The following GDAP2 variants were observed in gnomAD, a reference collection of about 807,000 sequenced individuals.
GDAP2 encodes the protein ganglioside-induced differentiation-associated protein 2.
In GDAP2, 51 loss-of-function variants were observed where a neutral mutation model predicts 67.0. That is an observed-to-expected ratio of 0.76 (90% CI 0.61 to 0.96). The LOEUF is 0.96. GDAP2 is among the 40% of genes least tolerant of loss of function. The pLI is 0.00. For synonymous variants in GDAP2, 203 were observed against 207.3 expected, an observed-to-expected ratio of 0.98 and a Z score of 0.18; for missense variants, 547 against 588.3, an observed-to-expected ratio of 0.93 and a Z score of 0.73.
At chr1:117,907,983 T>C (rs1255398093) in intron 5 of GDAP2, among the ~76,000 whole-genome samples, 1 of 152,086 alleles carries the variant, frequency 6.6e-6, no homozygotes, top group Admixed American at 6.6e-5. Flanking sequence ...TCCTCCCACA[T>C]CTTATGCTTT....
At chr1:117,887,642 T>A in intron 9 of GDAP2, 56 bp downstream of exon 9, 1 of 866,834 alleles carries the variant, frequency 1.2e-6, no homozygotes, top group Non-Finnish European at 2.0e-6. Flanking sequence ...TCAAATAGCA[T>A]GCTTGGTAGG....
In GDAP2 at chr1:117,866,517, T is replaced by G. The variant is rs575323402; in HGVS notation, c.*4052A>C. Reference sequence around the variant, plus strand: ...ATTAGTGCCAGCACAGTTAAAACACTCTAGCGCACGTTAATTATGATGATT... The same window carrying G: ...ATTAGTGCCAGCACAGTTAAAACACGCTAGCGCACGTTAATTATGATGATT... On this transcript the variant is annotated 3_prime_UTR_variant, in exon 14 of 14. Transcript: ENST00000369443. The G allele has an allele frequency of 2.2e-4, 34 of 152,202 alleles. No homozygotes were observed. Among genetic ancestry groups the G allele is most frequent in the African/African-American group, 7.9e-4 (33 of 41,522 alleles). The allele number at this position is 152,202 out of a possible 1,614,324, so 9.4% of individuals were successfully genotyped here. A position where few individuals can be genotyped will look rare whatever the true frequency, so the allele number is the denominator to read the frequency against.
chr1:117,889,745 A>G (rs1649001573), intron 8 of GDAP2, among the ~76,000 whole-genome samples: 1 of 152,134 alleles, frequency 6.6e-6, no homozygotes, highest in Non-Finnish European at 1.5e-5. Flanking sequence ...TATAGAGTTT[A>G]TTATGTTTTT....
Position 117,886,593 on chromosome 1 carries a change from A to G in GDAP2, c.1091T>C (p.Leu364Ser). ...ATGGCTTACCTTGTCCATATCTATTAATGTTACAGGAATGTTTCTTCCAAC... is the reference window on the plus strand; with the variant it reads ...ATGGCTTACCTTGTCCATATCTATTGATGTTACAGGAATGTTTCTTCCAAC... The part of the protein sequence containing the change: ...VVVGRNIPVT[L>S]IDMDKALLYF... The change falls in exon 10 of 14, where the codon TTA becomes TCA. Residue 364 changes from leucine to serine, a missense_variant. Physicochemically the swap from Leu to Ser is moderately radical, Grantham distance 145. Transcript: ENST00000369443. The G allele has an allele frequency of 6.4e-7, 1 of 1,553,252 alleles. No individual in the cohort carries two copies. The highest frequency in any genetic ancestry group is 8.9e-7 in the Non-Finnish European group (1 of 1,124,834).
At chr1:117,887,912 A>T (rs1189853680) in intron 8 of GDAP2, 138 bp from the exon 9 acceptor site, 2 of 596,452 alleles carry the variant, frequency 3.4e-6, no homozygotes, top group Non-Finnish European at 6.0e-6. Flanking sequence ...GGAGTTAAAG[A>T]AGCATTAAGC....
chr1:117,919,112 T>A (rs2359599), intron 2 of GDAP2, among the ~76,000 whole-genome samples: 1 of 152,174 alleles, frequency 6.6e-6, no homozygotes, highest in Non-Finnish European at 1.5e-5. Context: ...CGGTGGCTCA[T>A]GCCTGTAATT....
At chr1:117,880,214 G>A (rs947349002) in intron 12 of GDAP2, among the ~76,000 whole-genome samples, 1 of 151,706 alleles carries the variant, frequency 6.6e-6, no homozygotes, top group African/African-American at 2.4e-5. Context: ...AGAGAGAGAG[G>A]CTGACAAATG....
chr1:117,877,736 G>C lies in GDAP2; in HGVS notation c.1446+273C>G, dbSNP rs185888998. 4.8e-4 allele frequency: 551 copies of C among 1,156,890 alleles called. 3 individuals are homozygous for C. In the African/African-American group the frequency reaches 7.6e-3, roughly 16 times the overall value. 71.7% of individuals were successfully genotyped at this position (1,156,890 alleles called of 1,614,324 possible). ...AGAGGTATCTGTTTTAAATATGGTA[G>C]AAAACTTACAATACAAACGAAAATT... is the stretch of plus-strand genomic sequence containing the variant. On this transcript the variant is annotated intron_variant, in intron 13 of 13. Transcript: ENST00000369443.
chr1:117,865,621 T>C lies in GDAP2; in HGVS notation c.*4948A>G, dbSNP rs941806184. The C allele has an allele frequency of 1.3e-5, 2 of 152,134 alleles. No individual in the cohort carries two copies. Among genetic ancestry groups the C allele is most frequent in the African/African-American group, 4.8e-5 (2 of 41,420 alleles). The allele number at this position is 152,134 out of a possible 1,614,324, so 9.4% of individuals were successfully genotyped here. Reference sequence around the variant, plus strand: ...CAAAAAAAAAAGGTATGACTGTGTATATAAAATGTATTAGCTTTACTGTCC... The same window carrying C: ...CAAAAAAAAAAGGTATGACTGTGTACATAAAATGTATTAGCTTTACTGTCC... On this transcript the variant is annotated 3_prime_UTR_variant, in exon 14 of 14. Coordinates refer to ENST00000369443, the MANE Select transcript of GDAP2 (RefSeq NM_017686.4).
In GDAP2 at chr1:117,896,954, C is replaced by T. The variant is rs745691643; in HGVS notation, c.832G>A (p.Asp278Asn). 1 of 1,610,986 alleles carries T rather than the reference C, an allele frequency of 6.2e-7. No individual in the cohort carries two copies. The highest frequency in any genetic ancestry group is 1.3e-5 in the African/African-American group (1 of 74,788). The change falls in exon 8 of 14, where the codon GAT becomes AAT. Residue 278 changes from aspartate to asparagine, a missense_variant. Physicochemically the swap from Asp to Asn is conservative, Grantham distance 23 (BLOSUM62 1). Transcript: ENST00000369443. ...QEEEDEGLGV[D>N]LSFIGSHAFA... ...GCATGAGAGCCAATGAAAGAGAGAT[C>T]AACTCCCAAGCCTTCATCCTCCTCT...
At position 117,869,321 on chromosome 1, in the gene GDAP2, C is replaced by T. The variant is rs1442572978; in HGVS notation, c.*1248G>A. 1 of 152,014 alleles carries T rather than the reference C, an allele frequency of 6.6e-6. No homozygotes were observed. Among genetic ancestry groups the T allele is most frequent in the East Asian group, 1.9e-4 (1 of 5,192 alleles). The allele number at this position is 152,014 out of a possible 1,614,324, so 9.4% of individuals were successfully genotyped here. A position where few individuals can be genotyped will look rare whatever the true frequency, so the allele number is the denominator to read the frequency against. ...GTATAGCATCAGGGGATGAGCAGGC[C>T]AGAAGAGATTCTGGACAAAAGAGGA... On this transcript the variant is annotated 3_prime_UTR_variant, in exon 14 of 14. Transcript: ENST00000369443.
In GDAP2 at chr1:117,865,000, G is replaced by T. The variant is rs1393508720; in HGVS notation, c.*5569C>A. 1 of 152,170 alleles carries T rather than the reference G, an allele frequency of 6.6e-6. No individual in the cohort carries two copies. The allele number at this position is 152,170 out of a possible 1,614,324, so 9.4% of individuals were successfully genotyped here. A position where few individuals can be genotyped will look rare whatever the true frequency, so the allele number is the denominator to read the frequency against. On this transcript the variant is annotated 3_prime_UTR_variant, in exon 14 of 14. Transcript: ENST00000369443. ...TACTCTTTTACTCTAACTATGGTCT[G>T]GGGACCAGGAGAATTGATAACACCT...
At chr1:117,891,782 T>C (rs1191134689) in intron 8 of GDAP2, among the ~76,000 whole-genome samples, 4 of 129,998 alleles carry the variant, frequency 3.1e-5, no homozygotes, top group Non-Finnish European at 7.5e-5. Flanking sequence ...TTTTCATGTC[T>C]TTAAAAAAAT....
intron 3 of GDAP2, among the ~76,000 whole-genome samples, chr1:117,913,655 A>T (rs1219449439): frequency 6.6e-6 from 1 of 152,186 alleles, no homozygotes; most frequent in Non-Finnish European, 1.5e-5. Context: ...ACCTACAGAT[A>T]ACTGGGGAAG....
chr1:117,926,419 C>T (rs1650448204), intron 1 of GDAP2, among the ~76,000 whole-genome samples: 1 of 152,166 alleles, frequency 6.6e-6, no homozygotes, highest in Non-Finnish European at 1.5e-5. Flanking sequence ...AATTGTGACC[C>T]ACAAGATATT....
chr1:117,879,412 T>C (rs186655072), intron 12 of GDAP2, among the ~76,000 whole-genome samples: 73 of 152,150 alleles, frequency 4.8e-4, no homozygotes, highest in African/African-American at 1.6e-3. Flanking sequence ...TCCTATAAGA[T>C]GCCTAAGTAG....
At chr1:117,918,787 AC>A in intron 2 of GDAP2, 51 bp from the exon 3 acceptor site, 4 of 1,399,544 alleles carry the variant, frequency 2.9e-6, no homozygotes, top group Non-Finnish European at 4.0e-6. Flanking sequence ...AAGAAAAGAA[AC>A]CTAGTTTCTA....
chr1:117,883,528 A>G lies in GDAP2; in HGVS notation c.1207T>C (p.Ser403Pro), dbSNP rs1243855297. ...TCGTAGAGTTTCTTCAGGAAGTCGG[A>G]GTCCAGGTGATTGTATTCGCTGGTC... The part of the protein sequence containing the change: ...TLTSEYNHLD[S>P]DFLKKLYDVV... The change falls in exon 11 of 14, where the codon TCC becomes CCC. Residue 403 changes from serine to proline, a missense_variant. Ser to Pro is a moderately conservative substitution (Grantham distance 74). Transcript: ENST00000369443. 1 of 1,612,640 alleles carries G rather than the reference A, an allele frequency of 6.2e-7. No individual in the cohort carries two copies. The highest frequency in any genetic ancestry group is 1.3e-5 in the African/African-American group (1 of 74,982).
intron 7 of GDAP2, among the ~76,000 whole-genome samples, chr1:117,897,373 T>C (rs10489592): frequency 0.12 from 17,698 of 152,250 alleles, 1,278 homozygotes; most frequent in Non-Finnish European, 0.16. Context: ...AAGGTTTATA[T>C]AGCACTGTTG....
Sources: gnomAD v4.1 joint callset for allele counts (sites outside exome capture counted in the v4.1 genomes callset) on GRCh38, gnomAD v4.1.1 for gene constraint, MANE v1.5 for transcripts, NCBI Gene and HGNC (gene_info 2026-07-23, HGNC 2026-07-21) for gene names.